TRAF3: variants seen among roughly 807,000 people sequenced by gnomAD.
TRAF3 encodes the protein TNF receptor-associated factor 3.
A neutral mutation model predicts 62.3 loss-of-function variants in TRAF3; 13 were observed. That is an observed-to-expected ratio of 0.21 (90% CI 0.14 to 0.33). TRAF3 has a LOEUF of 0.33. TRAF3 is among the 10% of genes least tolerant of loss of function. The pLI is 1.00. For synonymous variants in TRAF3, 269 were observed against 283.4 expected (o/e 0.95, Z 0.51); for missense variants, 440 against 741.8 (o/e 0.59, Z 4.73).
intron 2 of TRAF3, among the ~76,000 whole-genome samples, chr14:102,834,501 A>G (rs960685588): frequency 2.0e-5 from 3 of 151,932 alleles, no homozygotes; most frequent in Non-Finnish European, 4.4e-5. Flanking sequence ...GATCGAGACC[A>G]CAGTGAAACC....
chr14:102,868,956 G>A (rs879534380), intron 2 of TRAF3, among the ~76,000 whole-genome samples: 3 of 152,216 alleles, frequency 2.0e-5, no homozygotes, highest in Non-Finnish European at 4.4e-5. Context: ...GCAGGTGGGA[G>A]GCAGCCAGTC....
chr14:102,863,247 C>T lies in TRAF3; in HGVS notation c.-17-6938C>T, dbSNP rs138300220. 1.9e-3 allele frequency among the ~76,000 whole-genome samples: 286 copies of T among 152,266 alleles called. 4 individuals carry two copies. The highest frequency in any genetic ancestry group is 0.017 in the Admixed American group (254 of 15,302). ...CCGTGGCAACTCTGGAAATGAGATT[C>T]TTCCTTCTCCCCCAGGGTTTATTGA... On this transcript the variant is annotated intron_variant, in intron 2 of 11. Transcript: ENST00000392745.
At chr14:102,849,267 G>A (rs760792059) in intron 2 of TRAF3, among the ~76,000 whole-genome samples, 1 of 152,132 alleles carries the variant, frequency 6.6e-6, no homozygotes, top group African/African-American at 2.4e-5. Flanking sequence ...ATACAGCCCC[G>A]GGGCTCCAGC....
intron 2 of TRAF3, among the ~76,000 whole-genome samples, chr14:102,834,171 T>G (rs186451543): frequency 3.3e-5 from 5 of 152,082 alleles, no homozygotes; most frequent in Non-Finnish European, 7.4e-5. Flanking sequence ...AGAACAAAGC[T>G]GGAGGCATTC....
intron 9 of TRAF3, 151 bp from the exon 10 acceptor site, chr14:102,897,109 GA>G: frequency 1.4e-6 from 1 of 714,978 alleles, no homozygotes; most frequent in Non-Finnish European, 2.3e-6. Flanking sequence ...AAAGTACCAG[GA>G]CTGTCATTTT....
At chr14:102,875,012 A>G (rs1012483959) in intron 4 of TRAF3, among the ~76,000 whole-genome samples, 4 of 152,164 alleles carry the variant, frequency 2.6e-5, no homozygotes, top group African/African-American at 9.7e-5. Flanking sequence ...TCAGACTGCA[A>G]TATATGTTTA....
intron 2 of TRAF3, among the ~76,000 whole-genome samples, chr14:102,857,418 T>C (rs1378406161): frequency 6.6e-6 from 1 of 152,256 alleles, no homozygotes; most frequent in Non-Finnish European, 1.5e-5. Context: ...CCTGATTATT[T>C]GTATAAAGTG....
chr14:102,833,157 T>C (rs530408294), intron 2 of TRAF3, among the ~76,000 whole-genome samples: 92 of 152,326 alleles, frequency 6.0e-4, no homozygotes, highest in African/African-American at 1.9e-3. Flanking sequence ...CTGTGGACTG[T>C]CAGCTCTGTG....
In TRAF3 at chr14:102,844,755, A is replaced by G. The variant is rs116706558; in HGVS notation, c.-18+14283A>G. Among the ~76,000 whole-genome samples, 409 of 152,184 alleles carry G rather than the reference A, an allele frequency of 2.7e-3. 1 individual carries two copies. The highest frequency in any genetic ancestry group is 9.4e-3 in the African/African-American group (392 of 41,522). On this transcript the variant is annotated intron_variant, in intron 2 of 11. Transcript: ENST00000392745. The stretch of plus-strand genomic sequence containing the variant: ...TGAAATTCTATAATAAAGAATTCTT[A>G]GTTGGCCAGGTGTGGTGGCTCATGC...
Position 102,911,035 on chromosome 14 carries a change from C to CGCAA in TRAF3, c.*5252_*5253insCAAG, listed in dbSNP as rs2140033930. 6.6e-6 allele frequency: 1 copy of CGCAA among 152,338 alleles called. No homozygotes were observed. The highest frequency in any genetic ancestry group is 6.5e-5 in the Admixed American group (1 of 15,298). The allele number at this position is 152,338 out of a possible 1,614,324, so 9.4% of individuals were successfully genotyped here. On this transcript the variant is annotated 3_prime_UTR_variant, in exon 12 of 12. Coordinates refer to ENST00000392745, the MANE Select transcript of TRAF3 (RefSeq NM_145725.3). ...TGCAGATTCGCAGCCTCTTCTCTGC[C>CGCAA]GGTGCCTCTGTTCGGTTCTGTTACC... is the stretch of plus-strand genomic sequence containing the variant.
intron 2 of TRAF3, among the ~76,000 whole-genome samples, chr14:102,832,716 C>G (rs1885720104): frequency 6.6e-6 from 1 of 152,152 alleles, no homozygotes; most frequent in Admixed American, 6.5e-5. Flanking sequence ...CCTACACACA[C>G]ACCCACTCTC....
rs531560151 is a variant in TRAF3, at chr14:102,881,529, G to A, written c.571-4660G>A. ...CACATGTTCTCACTTATAAGAGAGA[G>A]CTGAACAATGAGAACACATAGACAC... On this transcript the variant is annotated intron_variant, in intron 6 of 11. Transcript: ENST00000392745. 1.1e-4 allele frequency among the ~76,000 whole-genome samples: 16 copies of A among 152,256 alleles called. No homozygotes were observed. The South Asian group carries it at 2.9e-3, about 28-fold the overall frequency.
Position 102,868,322 on chromosome 14 carries a change from T to C in TRAF3, c.-17-1863T>C, listed in dbSNP as rs117876305. Among the ~76,000 whole-genome samples the C allele has an allele frequency of 8.0e-3, 1,217 of 152,314 alleles. 6 individuals carry two copies. Among genetic ancestry groups the C allele is most frequent in the Non-Finnish European group, 0.013 (852 of 68,026 alleles). On this transcript the variant is annotated intron_variant, in intron 2 of 11. Transcript: ENST00000392745. ...AGCTACTGATGTGAGGCGGCTGGTC[T>C]AGGCAGCGGTGTTCCCTGAGGCTCC...
At chr14:102,878,767 G>T (rs994503384) in intron 6 of TRAF3, among the ~76,000 whole-genome samples, 7 of 152,172 alleles carry the variant, frequency 4.6e-5, no homozygotes, top group Non-Finnish European at 1.0e-4. Flanking sequence ...TTCAGGAGCT[G>T]TGTGGAACAC....
chr14:102,868,766 G>A lies in TRAF3; in HGVS notation c.-17-1419G>A, dbSNP rs547273692. On this transcript the variant is annotated intron_variant, in intron 2 of 11. Coordinates refer to ENST00000392745, the MANE Select transcript of TRAF3 (RefSeq NM_145725.3). Reference sequence around the variant, plus strand: ...TTGATCAAATCATTAGTGTGTTTATGAGTGCATGGTGTAATTTTTACTAAA... The same window carrying A: ...TTGATCAAATCATTAGTGTGTTTATAAGTGCATGGTGTAATTTTTACTAAA... 3.9e-5 allele frequency among the ~76,000 whole-genome samples: 6 copies of A among 152,318 alleles called. No homozygotes were observed. In the South Asian group the frequency reaches 1.2e-3, roughly 32 times the overall value.
intron 1 of TRAF3, among the ~76,000 whole-genome samples, chr14:102,791,536 T>C (rs1033674508): frequency 2.6e-5 from 4 of 152,220 alleles, no homozygotes; most frequent in Non-Finnish European, 5.9e-5. Context: ...ATGTTGGTCT[T>C]ATGCCCTACA....
chr14:102,876,946 TC>T, intron 6 of TRAF3, among the ~76,000 whole-genome samples: 2 of 150,180 alleles, frequency 1.3e-5, no homozygotes, highest in Middle Eastern at 7.5e-3. Flanking sequence ...CCACAGTCCT[TC>T]CGCTCAATTC....
chr14:102,820,392 C>A (rs1234100474), intron 1 of TRAF3, among the ~76,000 whole-genome samples: 1 of 151,842 alleles, frequency 6.6e-6, no homozygotes, highest in East Asian at 1.9e-4. Context: ...TCTCTGCAGT[C>A]ACACACTCTG....
intron 2 of TRAF3, among the ~76,000 whole-genome samples, chr14:102,835,067 A>G (rs1487011066): frequency 6.6e-6 from 1 of 152,200 alleles, no homozygotes; most frequent in African/African-American, 2.4e-5. Context: ...AAGAAAAAAA[A>G]CAACCCCATT....
Sources: gnomAD v4.1 joint callset for allele counts (sites outside exome capture counted in the v4.1 genomes callset) on GRCh38, gnomAD v4.1.1 for gene constraint, MANE v1.5 for transcripts, NCBI Gene and HGNC (gene_info 2026-07-23, HGNC 2026-07-21) for gene names.